TENM2: variants seen among roughly 807,000 people sequenced by gnomAD.
The protein encoded by TENM2 is teneurin transmembrane protein 2, also known as teneurin-2.
A neutral mutation model predicts 245.2 loss-of-function variants in TENM2; 52 were observed. The ratio of observed to expected loss-of-function variants is 0.21; its 90% CI spans 0.17 to 0.27. The LOEUF (loss-of-function observed/expected upper bound fraction) is 0.27, where lower values mean the gene tolerates loss of function less well. Ranked by LOEUF, TENM2 falls within the 10% of genes least tolerant of loss-of-function variation. The probability of loss-of-function intolerance (pLI) is 1.00; values close to 1 mark genes in which losing one functional copy is unlikely to be tolerated. For synonymous variants in TENM2, 1,363 were observed against 1,438.9 expected (o/e 0.95, Z 1.19); for missense variants, 3,046 against 3,666.8 (o/e 0.83, Z 4.37).
chr5:167,529,356 T>G (rs1771339444), intron 2 of TENM2, among the ~76,000 whole-genome samples: 1 of 152,182 alleles, frequency 6.6e-6, no homozygotes, highest in African/African-American at 2.4e-5. Context: ...ATAAAAAGAT[T>G]GAGGTGTGAT....
At chr5:167,126,261 G>T in the TENM2 span, among the ~76,000 whole-genome samples, 1 of 152,152 alleles carries the variant, frequency 6.6e-6, no homozygotes, top group Non-Finnish European at 1.5e-5. Context: ...ATGAATAGAT[G>T]ATTGGGCATA....
At chr5:167,208,496 C>T in the TENM2 span, among the ~76,000 whole-genome samples, 7 of 152,112 alleles carry the variant, frequency 4.6e-5, no homozygotes, top group South Asian at 2.1e-4. Flanking sequence ...TACAACAAAA[C>T]GAACACTAGA....
the TENM2 span, among the ~76,000 whole-genome samples, chr5:167,152,407 GA>G: frequency 6.6e-6 from 1 of 152,106 alleles, no homozygotes; most frequent in Non-Finnish European, 1.5e-5. Flanking sequence ...CTAGTAGGAG[GA>G]AAATATTATT....
intron 1 of TENM2, among the ~76,000 whole-genome samples, chr5:167,289,762 C>T (rs540081277): frequency 6.6e-6 from 1 of 152,136 alleles, no homozygotes; most frequent in Non-Finnish European, 1.5e-5. Flanking sequence ...TAGAGTATTA[C>T]CTGCAATGAT....
At chr5:167,730,320 A>G (rs985842302) in intron 2 of TENM2, among the ~76,000 whole-genome samples, 1 of 152,208 alleles carries the variant, frequency 6.6e-6, no homozygotes, top group Non-Finnish European at 1.5e-5. Flanking sequence ...CTGTGAAGAC[A>G]AAGGTATGAG....
chr5:167,286,170 G>C (rs1398922550), intron 1 of TENM2, among the ~76,000 whole-genome samples: 1 of 152,120 alleles, frequency 6.6e-6, no homozygotes, highest in East Asian at 1.9e-4. Flanking sequence ...CCTAGCTTCA[G>C]CTTTTATATT....
At chr5:167,552,387 T>C (rs1773003160) in intron 2 of TENM2, among the ~76,000 whole-genome samples, 1 of 152,238 alleles carries the variant, frequency 6.6e-6, no homozygotes, top group South Asian at 2.1e-4. Flanking sequence ...TTCTTTCCCA[T>C]GATTTTTACC....
At chr5:167,641,368 G>A (rs1779605023) in intron 2 of TENM2, among the ~76,000 whole-genome samples, 1 of 152,042 alleles carries the variant, frequency 6.6e-6, no homozygotes. Flanking sequence ...ATGGCTGATT[G>A]CAGAAGGAGG....
chr5:167,797,700 A>T (rs560742178), intron 2 of TENM2, among the ~76,000 whole-genome samples: 1 of 152,324 alleles, frequency 6.6e-6, no homozygotes, highest in South Asian at 2.1e-4. Context: ...GTTGAGAATG[A>T]TTCTCATGTT....
At chr5:167,202,281 G>A in the TENM2 span, among the ~76,000 whole-genome samples, 29 of 151,860 alleles carry the variant, frequency 1.9e-4, no homozygotes, top group South Asian at 5.2e-3. Context: ...TGCATCTCCC[G>A]GTCTCTTCCC....
At chr5:167,831,740 T>G (rs1469006591) in intron 2 of TENM2, among the ~76,000 whole-genome samples, 1 of 152,292 alleles carries the variant, frequency 6.6e-6, no homozygotes, top group East Asian at 1.9e-4. Flanking sequence ...CTAAATGCTT[T>G]TAAGCATCTG....
chr5:167,373,751 G>C (rs936649558), intron 1 of TENM2, among the ~76,000 whole-genome samples: 2 of 152,190 alleles, frequency 1.3e-5, no homozygotes, highest in Non-Finnish European at 2.9e-5. Flanking sequence ...GATCTGCTGT[G>C]TGCCCAGGTG....
chr5:168,059,970 C>A (rs888647928), intron 6 of TENM2, among the ~76,000 whole-genome samples: 9 of 152,124 alleles, frequency 5.9e-5, no homozygotes, highest in Admixed American at 2.6e-4. Flanking sequence ...ATACATTTAG[C>A]CAGTATCAAA....
At chr5:167,909,300 C>T (rs530883617) in intron 3 of TENM2, among the ~76,000 whole-genome samples, 3 of 152,170 alleles carry the variant, frequency 2.0e-5, no homozygotes, top group East Asian at 1.9e-4. Context: ...CTTACTTTCA[C>T]GGTATTAACT....
intron 2 of TENM2, among the ~76,000 whole-genome samples, chr5:167,421,358 C>T (rs1176352252): frequency 6.6e-6 from 1 of 152,168 alleles, no homozygotes; most frequent in Non-Finnish European, 1.5e-5. Context: ...CCAGTGTACA[C>T]ACGTTAACCT....
exon 25 of TENM2, chr5:168,228,017 A>T (rs946276761): frequency 6.2e-7 from 1 of 1,613,892 alleles, no homozygotes; most frequent in Non-Finnish European, 8.5e-7. Flanking sequence ...CACCCCCACC[A>T]TTGGACGCTG....
intron 2 of TENM2, among the ~76,000 whole-genome samples, chr5:167,654,801 A>G (rs942974456): frequency 2.6e-5 from 4 of 152,108 alleles, no homozygotes; most frequent in Non-Finnish European, 5.9e-5. Context: ...TTATATTTTC[A>G]TAGCTCAGTG....
chr5:167,146,336 G>A, the TENM2 span, among the ~76,000 whole-genome samples: 1 of 152,166 alleles, frequency 6.6e-6, no homozygotes, highest in Admixed American at 6.5e-5. Flanking sequence ...GATGCCCCAG[G>A]TGAGTTGATG....
rs527756221 is a variant in TENM2, at chr5:167,722,607, C to A, written c.503-153379C>A. Among the ~76,000 whole-genome samples the A allele has an allele frequency of 2.3e-4, 35 of 152,186 alleles. 1 individual carries two copies. In the South Asian group the frequency reaches 6.4e-3, roughly 28 times the overall value. On this transcript the variant is annotated intron_variant, in intron 2 of 28. Coordinates refer to ENST00000518659, the Ensembl canonical transcript of TENM2. ...TGGCCAACATGGTGAAACCCCATCT[C>A]TACTAAAAATACAAAAATTAGCTGG...
Sources: allele counts gnomAD v4.1 joint callset (sites outside exome capture counted in the v4.1 genomes callset), GRCh38; gene constraint gnomAD v4.1.1; transcripts MANE v1.5; gene names NCBI Gene and HGNC (gene_info 2026-07-23, HGNC 2026-07-21).